Variants in CUX2 observed in about 807,000 individuals in gnomAD.
The protein encoded by CUX2 is cut like homeobox 2.
CUX2 carries 40 observed loss-of-function variants against 144.8 expected under a neutral mutation model. The ratio of observed to expected loss-of-function variants is 0.28; its 90% CI spans 0.21 to 0.36. The LOEUF (loss-of-function observed/expected upper bound fraction) is 0.36. Ranked by LOEUF, CUX2 falls within the 10% of genes least tolerant of loss-of-function variation. The pLI, the probability that CUX2 is intolerant of heterozygous loss-of-function variation, is 1.00. For synonymous variants in CUX2, 827 were observed against 875.6 expected, an observed-to-expected ratio of 0.94 and a Z score of 0.98; for missense variants, 1,615 against 1,994.0, an observed-to-expected ratio of 0.81 and a Z score of 3.62.
chr12:111,291,338 C>A (rs368545190), intron 4 of CUX2, 80 bp from the exon 5 acceptor site: 19 of 1,478,696 alleles, frequency 1.3e-5, no homozygotes, highest in Middle Eastern at 5.0e-4. Context: ...TCCTGTGGAA[C>A]CTGCCAGGCC....
chr12:111,253,223 T>G (rs568851831), intron 3 of CUX2, among the ~76,000 whole-genome samples: 1 of 152,264 alleles, frequency 6.6e-6, no homozygotes, highest in Admixed American at 6.5e-5. Context: ...TGCTCTCCTC[T>G]GCACAAAACC....
intron 1 of CUX2, among the ~76,000 whole-genome samples, chr12:111,108,694 TCC>T (rs1284155010): frequency 6.6e-6 from 1 of 150,966 alleles, no homozygotes; most frequent in Non-Finnish European, 1.5e-5. Flanking sequence ...CCACCCATTT[TCC>T]CCCTTCTCTT....
At chr12:111,253,535 C>A (rs1378701075) in intron 3 of CUX2, among the ~76,000 whole-genome samples, 1 of 152,198 alleles carries the variant, frequency 6.6e-6, no homozygotes, top group African/African-American at 2.4e-5. Context: ...CCATTCTCCT[C>A]CCCTGCACTT....
At chr12:111,116,571 G>A (rs924426752) in intron 1 of CUX2, among the ~76,000 whole-genome samples, 4 of 152,172 alleles carry the variant, frequency 2.6e-5, no homozygotes, top group Non-Finnish European at 5.9e-5. Context: ...TGTGATTGTT[G>A]GGACAAGTTC....
Position 111,320,016 on chromosome 12 carries a change from G to C in CUX2, c.2007G>C (p.Glu669Asp). The C allele has an allele frequency of 6.6e-7, 1 of 1,523,062 alleles. No homozygotes were observed. Among genetic ancestry groups the C allele is most frequent in the Non-Finnish European group, 8.8e-7 (1 of 1,141,314 alleles). The allele number at this position is 1,523,062 out of a possible 1,614,324, so 94.3% of individuals were successfully genotyped here. A position where few individuals can be genotyped will look rare whatever the true frequency, so the allele number is the denominator to read the frequency against. Residue 669 changes from glutamate (E) to aspartate (D), a missense_variant, in exon 17 of 22, where the codon GAG becomes GAC. Physicochemically the swap from Glu to Asp is conservative, Grantham distance 45 (BLOSUM62 2). Coordinates refer to ENST00000261726, the MANE Select transcript of CUX2 (RefSeq NM_015267.4). The surrounding 1 kb of genome is among the most constrained non-coding windows in gnomAD (Gnocchi z 8.1). ...GTCCTGTCCCCCTCCCCGCAGGCGA[G>C]CCCAAGACCTCGGTGGCCCCGCTGA... The part of the protein sequence containing the change: ...KKEIESQKGG[E>D]PKTSVAPLSI...
rs181411972 is a variant in CUX2, at chr12:111,190,229, G to C, written c.64-23971G>C. Among the ~76,000 whole-genome samples the C allele has an allele frequency of 6.6e-5, 10 of 152,088 alleles. No individual in the cohort carries two copies. In the East Asian group the frequency reaches 1.5e-3, roughly 23 times the overall value. ...TGATTCTGCACACATCAGATAAACT[G>C]TACATTCCTTCTCTCTCTCTGTGGC... On this transcript the variant is annotated intron_variant, in intron 1 of 21. Coordinates refer to ENST00000261726, the MANE Select transcript of CUX2 (RefSeq NM_015267.4). The surrounding 1 kb of genome is among the most constrained non-coding windows in gnomAD (Gnocchi z 4.0).
intron 1 of CUX2, among the ~76,000 whole-genome samples, chr12:111,054,216 G>A (rs1258718077): frequency 1.3e-5 from 2 of 152,226 alleles, no homozygotes; most frequent in Non-Finnish European, 2.9e-5. Context: ...TGTGAGAGCT[G>A]GCGTCCCCGG....
At chr12:111,166,206 A>T (rs1232859189) in intron 1 of CUX2, among the ~76,000 whole-genome samples, 1 of 152,160 alleles carries the variant, frequency 6.6e-6, no homozygotes, top group Non-Finnish European at 1.5e-5. Flanking sequence ...TTTTTTGTAA[A>T]GACGAAGTCT....
chr12:111,087,149 A>C (rs1345615376), intron 1 of CUX2, among the ~76,000 whole-genome samples: 8 of 152,038 alleles, frequency 5.3e-5, no homozygotes, highest in Non-Finnish European at 2.9e-5. Context: ...TGAGGTCAGG[A>C]GTTCATGACC....
intron 8 of CUX2, among the ~76,000 whole-genome samples, chr12:111,297,316 T>C (rs573731550): frequency 6.6e-6 from 1 of 152,268 alleles, no homozygotes; most frequent in African/African-American, 2.4e-5. Flanking sequence ...TCCAGACATG[T>C]CTCTTCCCTC....
chr12:111,117,544 A>T (rs574097879), intron 1 of CUX2, among the ~76,000 whole-genome samples: 5 of 152,256 alleles, frequency 3.3e-5, no homozygotes, highest in Non-Finnish European at 5.9e-5. Context: ...GGGAGAGAGA[A>T]ATCCAGAAAT....
intron 1 of CUX2, among the ~76,000 whole-genome samples, chr12:111,116,258 A>G (rs1874300998): frequency 1.3e-5 from 2 of 152,376 alleles, no homozygotes; most frequent in South Asian, 4.1e-4. Context: ...CAGTCAGAGC[A>G]TTGGAAAAAC....
rs540392724 is a variant in CUX2, at chr12:111,201,524, C to T, written c.64-12676C>T. On this transcript the variant is annotated intron_variant, in intron 1 of 21. Transcript: ENST00000261726. Reference sequence around the variant, plus strand: ...CCCCCAGGCCCCACGTGCCCTTAGGCGCAGCTCTCTCCAGGTGTGCTTTTC... The same window carrying T: ...CCCCCAGGCCCCACGTGCCCTTAGGTGCAGCTCTCTCCAGGTGTGCTTTTC... Among the ~76,000 whole-genome samples the T allele has an allele frequency of 2.0e-4, 31 of 152,312 alleles. No individual in the cohort carries two copies. The South Asian group carries it at 5.0e-3, about 24-fold the overall frequency.
chr12:111,142,596 G>A (rs1472325608), intron 1 of CUX2, among the ~76,000 whole-genome samples: 2 of 151,846 alleles, frequency 1.3e-5, no homozygotes, highest in Admixed American at 6.6e-5. Context: ...TCCATTAGGG[G>A]CCTTTGATTT....
At chr12:111,166,020 TG>T (rs1878118578) in intron 1 of CUX2, among the ~76,000 whole-genome samples, 1 of 152,120 alleles carries the variant, frequency 6.6e-6, no homozygotes, top group Non-Finnish European at 1.5e-5. Context: ...GACTCTTTTT[TG>T]TTGTTGTTGT....
At chr12:111,126,255 T>C (rs948081098) in intron 1 of CUX2, among the ~76,000 whole-genome samples, 2 of 152,060 alleles carry the variant, frequency 1.3e-5, no homozygotes, top group Non-Finnish European at 2.9e-5. Flanking sequence ...ATTACAGGCA[T>C]GTGCTACCAT....
chr12:111,072,500 T>C (rs1871290264), intron 1 of CUX2, among the ~76,000 whole-genome samples: 1 of 152,212 alleles, frequency 6.6e-6, no homozygotes, highest in Non-Finnish European at 1.5e-5. Flanking sequence ...CAGTGCTGAT[T>C]GCAATATCTA....
chr12:111,306,672 C>CTGACTCCT (rs1196005616), intron 10 of CUX2, among the ~76,000 whole-genome samples: 6 of 152,240 alleles, frequency 3.9e-5, no homozygotes, highest in Non-Finnish European at 7.3e-5. Context: ...CCAACCTCAG[C>CTGACTCCT]TGACTCCTTC....
rs1188116433 is a variant in CUX2, at chr12:111,216,729, ATG to A, written c.175-1160_175-1159del. Reference sequence around the variant, plus strand: ...CTCAGCCTCGCACCCATGGCCCCTTATGGTCAAGTCTACTAGGACTGTGTCTC... The same window carrying A: ...CTCAGCCTCGCACCCATGGCCCCTTAGTCAAGTCTACTAGGACTGTGTCTC... On this transcript the variant is annotated intron_variant, in intron 2 of 21. Coordinates refer to ENST00000261726, the MANE Select transcript of CUX2 (RefSeq NM_015267.4). Among the ~76,000 whole-genome samples the A allele has an allele frequency of 2.0e-5, 3 of 152,086 alleles. No homozygotes were observed. The East Asian group carries it at 5.8e-4, about 29-fold the overall frequency.
Sources: gnomAD v4.1 joint callset for allele counts (sites outside exome capture counted in the v4.1 genomes callset) on GRCh38, gnomAD v4.1.1 for gene constraint, Gnocchi (gnomAD v3.1) non-coding constraint, MANE v1.5 for transcripts, NCBI Gene and HGNC (gene_info 2026-07-23, HGNC 2026-07-21) for gene names.